The following MYOCD variants were observed in gnomAD, a reference collection of about 807,000 sequenced individuals.
MYOCD encodes the protein myocardin.
In MYOCD, 32 loss-of-function variants were observed where a neutral mutation model predicts 96.1. The observed-to-expected ratio is 0.33, with a 90% CI of 0.25 to 0.45. The LOEUF (loss-of-function observed/expected upper bound fraction) is 0.45. MYOCD is among the 20% of genes least tolerant of loss of function. MYOCD has a pLI of 1.00. For missense variants in MYOCD, 1,133 were observed against 1,200.6 expected (o/e 0.94, Z 0.83); for synonymous variants, 469 against 469.0 (o/e 1.00, Z 0.00).
intron 1 of MYOCD, among the ~76,000 whole-genome samples, chr17:12,674,097 TCCTTACAAAA>T (rs1909873089): frequency 1.3e-5 from 2 of 152,144 alleles, no homozygotes; most frequent in Non-Finnish European, 2.9e-5. Flanking sequence ...TCTCATTTAA[TCCTTACAAAA>T]ATGTGATTAT....
intron 7 of MYOCD, among the ~76,000 whole-genome samples, chr17:12,740,455 A>G (rs959313325): frequency 6.6e-6 from 1 of 152,260 alleles, no homozygotes; most frequent in African/African-American, 2.4e-5. Flanking sequence ...CTTCACTTAG[A>G]ATAATGGCCT....
intron 1 of MYOCD, among the ~76,000 whole-genome samples, chr17:12,685,498 C>T (rs576548972): frequency 3.3e-5 from 5 of 151,638 alleles, no homozygotes; most frequent in African/African-American, 4.8e-5. Context: ...CCCAGCTACT[C>T]GGGAGGCTGC....
At chr17:12,763,017 G>A in intron 13 of MYOCD, 56 bp from the exon 14 acceptor site, 3 of 1,450,690 alleles carry the variant, frequency 2.1e-6, no homozygotes, top group Non-Finnish European at 2.8e-6. Flanking sequence ...CACTCATATT[G>A]TGTGGCATGC....
chr17:12,703,313 T>A (rs997686560), intron 1 of MYOCD, among the ~76,000 whole-genome samples: 3 of 152,064 alleles, frequency 2.0e-5, no homozygotes, highest in African/African-American at 7.2e-5. Context: ...TGGATTATTA[T>A]GTATCTAAGT....
rs546554047 is a variant in MYOCD, at chr17:12,708,963, A to C, written c.121+3770A>C. 1.7e-3 allele frequency among the ~76,000 whole-genome samples: 260 copies of C among 152,312 alleles called. 3 individuals are homozygous for C. Among genetic ancestry groups the C allele is most frequent in the African/African-American group, 5.7e-3 (237 of 41,578 alleles). ...ATTCAGTTAGAACTTAGAAAATTTC[A>C]AAAGTGTGTCGTGCGAAAATGCCAA... On this transcript the variant is annotated intron_variant, in intron 2 of 13. Coordinates refer to ENST00000425538, the MANE Select transcript of MYOCD (RefSeq NM_001146312.3).
intron 1 of MYOCD, among the ~76,000 whole-genome samples, chr17:12,682,386 T>C (rs561516514): frequency 2.6e-4 from 39 of 152,268 alleles, no homozygotes; most frequent in African/African-American, 8.9e-4. Flanking sequence ...GCTTGTTACT[T>C]TCTAGGAAGT....
At chr17:12,676,487 T>C (rs1378098278) in intron 1 of MYOCD, among the ~76,000 whole-genome samples, 1 of 152,194 alleles carries the variant, frequency 6.6e-6, no homozygotes, top group Non-Finnish European at 1.5e-5. Flanking sequence ...AATTTTCTTA[T>C]GTTCTTTCTT....
At chr17:12,725,702 T>C (rs577873836) in intron 5 of MYOCD, among the ~76,000 whole-genome samples, 1 of 151,582 alleles carries the variant, frequency 6.6e-6, no homozygotes, top group African/African-American at 2.4e-5. Flanking sequence ...GTATGTTTTA[T>C]ATTATGTTAT....
intron 5 of MYOCD, among the ~76,000 whole-genome samples, chr17:12,728,980 C>T (rs971291128): frequency 2.3e-4 from 35 of 152,284 alleles, no homozygotes; most frequent in Admixed American, 2.0e-3. Context: ...GTGCCCCACG[C>T]TTAGACTTCA....
At position 12,763,711 on chromosome 17, in the gene MYOCD, A is replaced by C; in HGVS notation, c.*67A>C. ...CATGGGGGAAAGCACACAGCCATAC[A>C]TACTTTACTGTCCAAAAACAGAAGA... On this transcript the variant is annotated 3_prime_UTR_variant, in exon 14 of 14. Coordinates refer to ENST00000425538, the MANE Select transcript of MYOCD (RefSeq NM_001146312.3). 1 of 1,333,944 alleles carries C rather than the reference A, an allele frequency of 7.5e-7. No individual in the cohort carries two copies. The allele number at this position is 1,333,944 out of a possible 1,614,324, so 82.6% of individuals were successfully genotyped here.
chr17:12,666,755 A>G (rs1462799997), intron 1 of MYOCD, among the ~76,000 whole-genome samples: 1 of 152,196 alleles, frequency 6.6e-6, no homozygotes, highest in East Asian at 1.9e-4. Flanking sequence ...ACATCACTGT[A>G]GAAAAAAAAA....
chr17:12,701,241 G>T (rs1028900493), intron 1 of MYOCD, among the ~76,000 whole-genome samples: 1 of 152,030 alleles, frequency 6.6e-6, no homozygotes, highest in African/African-American at 2.4e-5. Context: ...GCGAAACCTC[G>T]TCTCTACTAA....
At position 12,768,553 on chromosome 17, in the gene MYOCD, A is replaced by G. The variant is rs955229971; in HGVS notation, c.*4909A>G. 3 of 152,138 alleles carry G rather than the reference A, an allele frequency of 2.0e-5. No individual in the cohort carries two copies. Among genetic ancestry groups the G allele is most frequent in the African/African-American group, 7.2e-5 (3 of 41,434 alleles). The allele number at this position is 152,138 out of a possible 1,614,324, so 9.4% of individuals were successfully genotyped here. A position where few individuals can be genotyped will look rare whatever the true frequency, so the allele number is the denominator to read the frequency against. On this transcript the variant is annotated 3_prime_UTR_variant, in exon 14 of 14. Transcript: ENST00000425538. ...GTGGTTTCATAGCTCCTGTGTGTTC[A>G]TGGAAAAGGGGAGTATAATGATGGG... is the stretch of plus-strand genomic sequence containing the variant.
At chr17:12,713,379 G>A (rs1400501908) in intron 2 of MYOCD, among the ~76,000 whole-genome samples, 2 of 152,128 alleles carry the variant, frequency 1.3e-5, no homozygotes, top group East Asian at 3.9e-4. Flanking sequence ...AGAGACATGA[G>A]AACCCATTAA....
At chr17:12,679,318 G>C (rs1026444472) in intron 1 of MYOCD, among the ~76,000 whole-genome samples, 1 of 152,140 alleles carries the variant, frequency 6.6e-6, no homozygotes, top group Non-Finnish European at 1.5e-5. Context: ...GGATTGGCTG[G>C]GAGAGGAGGA....
At chr17:12,757,270 A>T (rs1323164792) in intron 11 of MYOCD, among the ~76,000 whole-genome samples, 3 of 152,192 alleles carry the variant, frequency 2.0e-5, no homozygotes, top group Non-Finnish European at 4.4e-5. Context: ...CAGAAAGGAG[A>T]CAAACAAGAT....
At chr17:12,708,613 G>A (rs994323637) in intron 2 of MYOCD, among the ~76,000 whole-genome samples, 1 of 152,034 alleles carries the variant, frequency 6.6e-6, no homozygotes, top group Non-Finnish European at 1.5e-5. Flanking sequence ...GGATGGTCTC[G>A]AACTCCTGAC....
chr17:12,739,740 A>G (rs2032452068), intron 7 of MYOCD, among the ~76,000 whole-genome samples: 1 of 152,220 alleles, frequency 6.6e-6, no homozygotes, highest in African/African-American at 2.4e-5. Flanking sequence ...AACTTACATC[A>G]TTCAAGCCAG....
intron 1 of MYOCD, among the ~76,000 whole-genome samples, chr17:12,673,327 T>C (rs1909813711): frequency 6.6e-6 from 1 of 152,206 alleles, no homozygotes; most frequent in Non-Finnish European, 1.5e-5. Context: ...CAATACATTA[T>C]ATTTTTTGTC....
Sources: allele counts gnomAD v4.1 joint callset (sites outside exome capture counted in the v4.1 genomes callset), GRCh38; gene constraint gnomAD v4.1.1; transcripts MANE v1.5; gene names NCBI Gene and HGNC (gene_info 2026-07-23, HGNC 2026-07-21).